SCFD2: variants seen among roughly 807,000 people sequenced by gnomAD.
The protein encoded by SCFD2 is sec1 family domain containing 2, also known as sec1 family domain-containing protein 2.
Under a neutral mutation model 58.9 loss-of-function variants are expected in SCFD2, and 54 were observed. That is an observed-to-expected ratio of 0.92 (90% confidence interval 0.74 to 1.15). SCFD2 has a LOEUF of 1.15. Among genes scored for constraint, SCFD2 ranks in the 50% most tolerant of loss-of-function variants. SCFD2 has a pLI of 0.00. For synonymous variants in SCFD2, 321 were observed against 335.9 expected (o/e 0.96, Z 0.49); for missense variants, 805 against 836.6 (o/e 0.96, Z 0.47).
chr4:52,890,504 A>G (rs1331382786), intron 7 of SCFD2, among the ~76,000 whole-genome samples: 2 of 152,230 alleles, frequency 1.3e-5, no homozygotes, highest in Admixed American at 6.5e-5. Flanking sequence ...AGCCTTTTCC[A>G]TCAGAATAAC....
chr4:53,248,356 G>A (rs570390772), intron 4 of SCFD2, among the ~76,000 whole-genome samples: 11 of 152,322 alleles, frequency 7.2e-5, no homozygotes, highest in East Asian at 3.9e-4. Context: ...AGGGGCGCCC[G>A]CCATTGCTCA....
chr4:53,323,364 A>G (rs906144198), intron 2 of SCFD2, among the ~76,000 whole-genome samples: 7 of 152,014 alleles, frequency 4.6e-5, no homozygotes, highest in African/African-American at 1.7e-4. Context: ...AAGAATATAC[A>G]GTAGTTCTTT....
intron 2 of SCFD2, among the ~76,000 whole-genome samples, chr4:53,337,954 T>C (rs1017864600): frequency 1.3e-5 from 2 of 152,136 alleles, no homozygotes; most frequent in African/African-American, 2.4e-5. Flanking sequence ...ACAGTCCTTA[T>C]AGGAGGGATA....
intron 7 of SCFD2, among the ~76,000 whole-genome samples, chr4:52,896,521 T>A (rs554104566): frequency 6.6e-6 from 1 of 152,336 alleles, no homozygotes; most frequent in Non-Finnish European, 1.5e-5. Context: ...TTGGTCTATA[T>A]CTCTGTTTTG....
At chr4:53,197,966 T>C (rs1202574342) in intron 4 of SCFD2, among the ~76,000 whole-genome samples, 1 of 152,042 alleles carries the variant, frequency 6.6e-6, no homozygotes, top group Non-Finnish European at 1.5e-5. Flanking sequence ...GCTGGCCTGC[T>C]AGGAAATATG....
intron 6 of SCFD2, among the ~76,000 whole-genome samples, chr4:52,920,281 A>T (rs950483124): frequency 6.6e-6 from 1 of 152,204 alleles, no homozygotes; most frequent in Non-Finnish European, 1.5e-5. Context: ...ACATATTTTC[A>T]TCACAAACTT....
intron 5 of SCFD2, among the ~76,000 whole-genome samples, chr4:52,925,615 A>C (rs1484678679): frequency 6.6e-6 from 1 of 152,162 alleles, no homozygotes; most frequent in African/African-American, 2.4e-5. Flanking sequence ...AGTTACTTCT[A>C]ATAAGCCCCT....
intron 5 of SCFD2, among the ~76,000 whole-genome samples, chr4:53,125,176 A>G (rs1409993776): frequency 6.6e-6 from 1 of 152,186 alleles, no homozygotes; most frequent in Admixed American, 6.5e-5. Context: ...CATCTTAAAG[A>G]ATGAGTGGGA....
At chr4:53,081,074 T>C (rs1724133369) in intron 5 of SCFD2, among the ~76,000 whole-genome samples, 1 of 152,198 alleles carries the variant, frequency 6.6e-6, no homozygotes, top group Admixed American at 6.6e-5. Context: ...ATCCACCTCC[T>C]AATGCCCTGT....
At chr4:52,884,505 A>T (rs1312484677) in intron 8 of SCFD2, among the ~76,000 whole-genome samples, 1 of 152,114 alleles carries the variant, frequency 6.6e-6, no homozygotes, top group Non-Finnish European at 1.5e-5. Context: ...CCACCAGTGG[A>T]CCGCGCCCAG....
intron 2 of SCFD2, among the ~76,000 whole-genome samples, chr4:53,348,817 T>A (rs974475146): frequency 6.6e-6 from 1 of 151,696 alleles, no homozygotes; most frequent in East Asian, 1.9e-4. Context: ...CAGATTCAAG[T>A]GATTCTTCTG....
At chr4:53,164,431 G>A (rs565558642) in intron 4 of SCFD2, among the ~76,000 whole-genome samples, 51 of 152,294 alleles carry the variant, frequency 3.3e-4, no homozygotes, top group African/African-American at 1.2e-3. Flanking sequence ...GGTCCAGCCA[G>A]CTAGTCCCAC....
chr4:53,223,839 G>A (rs1236390667), intron 4 of SCFD2, among the ~76,000 whole-genome samples: 2 of 152,132 alleles, frequency 1.3e-5, no homozygotes, highest in Non-Finnish European at 2.9e-5. Context: ...CTCATGGAAG[G>A]TTATAAACTT....
intron 5 of SCFD2, among the ~76,000 whole-genome samples, chr4:53,137,660 T>C (rs914476718): frequency 1.3e-5 from 2 of 152,210 alleles, no homozygotes; most frequent in Non-Finnish European, 2.9e-5. Flanking sequence ...ACACTAAGCC[T>C]AAACAGATCT....
At chr4:52,980,181 G>A (rs939985394) in intron 5 of SCFD2, among the ~76,000 whole-genome samples, 32 of 152,186 alleles carry the variant, frequency 2.1e-4, no homozygotes, top group African/African-American at 7.2e-4. Flanking sequence ...AAATGATAAT[G>A]TTGAAGATGA....
At chr4:53,075,595 C>T (rs1028115853) in intron 5 of SCFD2, among the ~76,000 whole-genome samples, 2 of 152,154 alleles carry the variant, frequency 1.3e-5, no homozygotes. Context: ...TTAGAGGCCA[C>T]TGTAAGGCTG....
chr4:52,955,852 T>C, intron 5 of SCFD2: 1 of 344,228 alleles, frequency 2.9e-6, no homozygotes, highest in South Asian at 2.3e-5. Flanking sequence ...CTGAGAAAAA[T>C]ATCCATTGCG....
intron 5 of SCFD2, among the ~76,000 whole-genome samples, chr4:52,991,480 T>C (rs967928819): frequency 6.6e-6 from 1 of 152,006 alleles, no homozygotes; most frequent in African/African-American, 2.4e-5. Flanking sequence ...AGGGGGAGGA[T>C]GGAAGGTTCC....
intron 5 of SCFD2, among the ~76,000 whole-genome samples, chr4:53,093,279 G>A (rs537439203): frequency 1.1e-4 from 16 of 152,118 alleles, no homozygotes; most frequent in African/African-American, 3.6e-4. Flanking sequence ...TCAAGGGATG[G>A]CATGTTTTGA....
Sources: gnomAD v4.1 joint callset for allele counts (sites outside exome capture counted in the v4.1 genomes callset) on GRCh38, gnomAD v4.1.1 for gene constraint, MANE v1.5 for transcripts, NCBI Gene and HGNC (gene_info 2026-07-23, HGNC 2026-07-21) for gene names.